The following GALNTL6 variants were observed in gnomAD, a reference collection of about 807,000 sequenced individuals.
GALNTL6 encodes the protein polypeptide N-acetylgalactosaminyltransferase like 6.
GALNTL6 carries 46 observed loss-of-function variants against 73.7 expected under a neutral mutation model. The ratio of observed to expected loss-of-function variants is 0.62; its 90% confidence interval spans 0.49 to 0.80. The LOEUF is 0.80. Among genes scored for constraint, GALNTL6 ranks in the 30% least tolerant of loss-of-function variants. The pLI is 0.00. For synonymous variants in GALNTL6, 259 were observed against 263.7 expected (o/e 0.98, Z 0.17); for missense variants, 604 against 755.0 (o/e 0.80, Z 2.34).
intron 5 of GALNTL6, among the ~76,000 whole-genome samples, chr4:172,761,254 T>A (rs1212008512): frequency 6.6e-6 from 1 of 152,184 alleles, no homozygotes; most frequent in Admixed American, 6.5e-5. Flanking sequence ...TGGTTCTGAG[T>A]AAAGAAAACT....
At chr4:171,856,095 G>A (rs1434252270) in intron 2 of GALNTL6, among the ~76,000 whole-genome samples, 3 of 151,886 alleles carry the variant, frequency 2.0e-5, no homozygotes, top group Non-Finnish European at 4.4e-5. Flanking sequence ...CAGATTTGTT[G>A]TTGTTGTTGT....
intron 5 of GALNTL6, among the ~76,000 whole-genome samples, chr4:172,480,674 G>C (rs977577380): frequency 3.3e-5 from 5 of 152,178 alleles, no homozygotes; most frequent in African/African-American, 9.7e-5. Flanking sequence ...TATTGTTCAT[G>C]AGTTTCTTGG....
intron 5 of GALNTL6, among the ~76,000 whole-genome samples, chr4:172,677,468 C>T (rs1732368900): frequency 6.6e-6 from 1 of 152,130 alleles, no homozygotes; most frequent in Non-Finnish European, 1.5e-5. Flanking sequence ...GTGCTTCCAC[C>T]ATGTTCCAAA....
chr4:173,005,656 A>G (rs1752246723), intron 10 of GALNTL6, among the ~76,000 whole-genome samples: 1 of 152,174 alleles, frequency 6.6e-6, no homozygotes, highest in African/African-American at 2.4e-5. Flanking sequence ...TGTGCTGGAG[A>G]GAAGCAGGTG....
chr4:171,976,277 G>A (rs1168896204), intron 2 of GALNTL6, among the ~76,000 whole-genome samples: 1 of 152,164 alleles, frequency 6.6e-6, no homozygotes, highest in African/African-American at 2.4e-5. Flanking sequence ...GAAAATTTGT[G>A]TCGTTACATA....
At chr4:172,358,501 A>AT (rs201318745) in intron 5 of GALNTL6, among the ~76,000 whole-genome samples, 2,913 of 151,436 alleles carry the variant, frequency 0.019, 84 homozygotes, top group African/African-American at 0.065. Context: ...ACATTATGAG[A>AT]TTTTTTTTTG....
chr4:172,648,877 C>T (rs1740357826), intron 5 of GALNTL6, among the ~76,000 whole-genome samples: 1 of 152,138 alleles, frequency 6.6e-6, no homozygotes, highest in Non-Finnish European at 1.5e-5. Flanking sequence ...TCACCAAAAT[C>T]TTAACTTTTT....
intron 12 of GALNTL6, among the ~76,000 whole-genome samples, chr4:173,022,237 T>C (rs1753048691): frequency 7.0e-6 from 1 of 143,856 alleles, no homozygotes; most frequent in South Asian, 2.1e-4. Flanking sequence ...GTTTTGAAAG[T>C]TTTACCTAGT....
chr4:172,908,772 T>C (rs149044732), intron 8 of GALNTL6, among the ~76,000 whole-genome samples: 126 of 151,486 alleles, frequency 8.3e-4, no homozygotes, highest in African/African-American at 2.9e-3. Context: ...CAAAACTCTG[T>C]CAAAAAATGT....
chr4:172,641,103 T>C (rs1739952486), intron 5 of GALNTL6, among the ~76,000 whole-genome samples: 1 of 152,094 alleles, frequency 6.6e-6, no homozygotes, highest in African/African-American at 2.4e-5. Flanking sequence ...CTGCAAAATA[T>C]ATTTAAAATC....
chr4:172,841,136 T>A (rs1234696893), intron 7 of GALNTL6, among the ~76,000 whole-genome samples: 2 of 152,196 alleles, frequency 1.3e-5, no homozygotes, highest in Admixed American at 6.5e-5. Context: ...AATAAGTTTT[T>A]AAAATAAACT....
chr4:172,837,260 G>C (rs1334255393), intron 7 of GALNTL6, among the ~76,000 whole-genome samples: 1 of 152,052 alleles, frequency 6.6e-6, no homozygotes, highest in African/African-American at 2.4e-5. Context: ...AATATTTGTG[G>C]TCCAGGATTA....
At chr4:172,544,583 A>AT (rs1395597234) in intron 5 of GALNTL6, among the ~76,000 whole-genome samples, 3 of 152,214 alleles carry the variant, frequency 2.0e-5, no homozygotes, top group African/African-American at 7.2e-5. Flanking sequence ...CATATATATT[A>AT]TTTGTCTTCC....
chr4:172,529,670 TTTG>T (rs10642038), intron 5 of GALNTL6, among the ~76,000 whole-genome samples: 23,327 of 148,072 alleles, frequency 0.16, 2,025 homozygotes, highest in Non-Finnish European at 0.21. Flanking sequence ...ACCTAATTTG[TTTG>T]TTGTTGTTGT....
intron 5 of GALNTL6, among the ~76,000 whole-genome samples, chr4:172,513,801 C>G (rs1734508968): frequency 1.3e-5 from 2 of 152,214 alleles, no homozygotes; most frequent in South Asian, 4.1e-4. Flanking sequence ...AGCACCTGCT[C>G]TGTTGGAGGT....
At chr4:172,607,208 A>C (rs1738338131) in intron 5 of GALNTL6, among the ~76,000 whole-genome samples, 4 of 152,266 alleles carry the variant, frequency 2.6e-5, no homozygotes, top group Non-Finnish European at 2.9e-5. Context: ...CTCTACTCTC[A>C]TGAGGGTTTG....
At chr4:172,017,717 TC>T (rs1422297361) in intron 2 of GALNTL6, among the ~76,000 whole-genome samples, 2 of 152,010 alleles carry the variant, frequency 1.3e-5, no homozygotes, top group East Asian at 3.9e-4. Flanking sequence ...TTCATATGGT[TC>T]CCTCCCTCTT....
intron 5 of GALNTL6, among the ~76,000 whole-genome samples, chr4:172,623,239 A>G (rs1268280855): frequency 6.6e-6 from 1 of 152,206 alleles, no homozygotes; most frequent in African/African-American, 2.4e-5. Context: ...CAACTAAAAA[A>G]GTTAAAAAGG....
chr4:172,137,067 C>T (rs142460432), intron 2 of GALNTL6, among the ~76,000 whole-genome samples: 90 of 152,084 alleles, frequency 5.9e-4, no homozygotes, highest in Middle Eastern at 3.4e-3. Flanking sequence ...TTTATATGAT[C>T]CATTTAGATT....
Sources: allele counts gnomAD v4.1 joint callset (sites outside exome capture counted in the v4.1 genomes callset), GRCh38; gene constraint gnomAD v4.1.1; transcripts MANE v1.5; gene names NCBI Gene and HGNC (gene_info 2026-07-23, HGNC 2026-07-21).